PCDH9: variants seen among roughly 807,000 people sequenced by gnomAD.
PCDH9 encodes the protein protocadherin 9.
In PCDH9, 24 loss-of-function variants were observed where a neutral mutation model predicts 70.6. That is an observed-to-expected ratio of 0.34 (90% confidence interval 0.25 to 0.48). The LOEUF is 0.48. Among genes scored for constraint, PCDH9 ranks in the 20% least tolerant of loss-of-function variants. The pLI is 0.99. For synonymous variants in PCDH9, 562 were observed against 558.5 expected, an observed-to-expected ratio of 1.01 and a Z score of -0.09; for missense variants, 1,281 against 1,503.6, an observed-to-expected ratio of 0.85 and a Z score of 2.45.
chr13:66,659,553 T>TG (rs59132032), intron 3 of PCDH9, among the ~76,000 whole-genome samples: 1 of 148,764 alleles, frequency 6.7e-6, no homozygotes, highest in Non-Finnish European at 1.5e-5. Context: ...GTGTGTGTGT[T>TG]TGTGTGTGTT....
chr13:66,610,013 A>AGTG (rs1261221984), intron 4 of PCDH9, among the ~76,000 whole-genome samples: 1 of 140,304 alleles, frequency 7.1e-6, no homozygotes, highest in Non-Finnish European at 1.5e-5. Context: ...GCTGGAGTGC[A>AGTG]GTGGCGAGAT....
chr13:66,775,150 CT>C (rs1227315402), intron 3 of PCDH9, among the ~76,000 whole-genome samples: 1 of 152,086 alleles, frequency 6.6e-6, no homozygotes, highest in African/African-American at 2.4e-5. Context: ...CATTTGTTTG[CT>C]TTTTAAAAAG....
chr13:66,960,007 A>G (rs952621492), intron 2 of PCDH9, among the ~76,000 whole-genome samples: 8 of 152,184 alleles, frequency 5.3e-5, no homozygotes, highest in African/African-American at 1.9e-4. Context: ...CAGAATACTT[A>G]TTAGGGAGAA....
At chr13:66,545,166 A>C (rs1232171472) in intron 4 of PCDH9, among the ~76,000 whole-genome samples, 1 of 152,172 alleles carries the variant, frequency 6.6e-6, no homozygotes, top group Non-Finnish European at 1.5e-5. Context: ...TTTGCATGTT[A>C]ATTCTCATTA....
chr13:67,186,563 C>A (rs1015074717), intron 2 of PCDH9, among the ~76,000 whole-genome samples: 1 of 152,028 alleles, frequency 6.6e-6, no homozygotes, highest in Non-Finnish European at 1.5e-5. Flanking sequence ...TTTTGAGTAG[C>A]AAGTCCTTAA....
At chr13:66,366,412 TCTTCTAGGACGCTATC>T (rs1325657388) in intron 4 of PCDH9, among the ~76,000 whole-genome samples, 2 of 152,050 alleles carry the variant, frequency 1.3e-5, no homozygotes, top group Non-Finnish European at 1.5e-5. Context: ...GTTATTTTTC[TCTTCTAGGACGCTATC>T]CTTCAACTCA....
intron 2 of PCDH9, among the ~76,000 whole-genome samples, chr13:67,143,070 C>A (rs1442132325): frequency 1.3e-5 from 2 of 151,822 alleles, no homozygotes; most frequent in Non-Finnish European, 2.9e-5. Context: ...AAAATAAGCT[C>A]ATAAATGTTA....
At chr13:66,957,555 A>T (rs2083283129) in intron 2 of PCDH9, among the ~76,000 whole-genome samples, 1 of 152,164 alleles carries the variant, frequency 6.6e-6, no homozygotes, top group Non-Finnish European at 1.5e-5. Context: ...CTAACCCTCC[A>T]TCCCTCCATG....
chr13:67,104,571 C>T (rs938158844), intron 2 of PCDH9, among the ~76,000 whole-genome samples: 13 of 150,970 alleles, frequency 8.6e-5, no homozygotes, highest in Admixed American at 2.6e-4. Flanking sequence ...TTTTTTGAGA[C>T]GGAGTCTCGC....
chr13:66,502,340 C>T lies in PCDH9; in HGVS notation c.3340+128870G>A, dbSNP rs550204186. 9.2e-5 allele frequency among the ~76,000 whole-genome samples: 14 copies of T among 152,158 alleles called. No individual in the cohort carries two copies. In the South Asian group the frequency reaches 2.7e-3, roughly 29 times the overall value. On this transcript the variant is annotated intron_variant, in intron 4 of 4. Transcript: ENST00000377865. ...TGTGAGAAAATTTTAAATTTTGACT[C>T]ATGTTTAATTCACTTCTATTGGGCA...
At chr13:67,014,305 T>C (rs1041059824) in intron 2 of PCDH9, among the ~76,000 whole-genome samples, 1 of 152,096 alleles carries the variant, frequency 6.6e-6, no homozygotes, top group Admixed American at 6.6e-5. Flanking sequence ...AGGTAGAAAC[T>C]GCAACAGGTA....
intron 2 of PCDH9, among the ~76,000 whole-genome samples, chr13:66,947,578 G>A (rs1186100879): frequency 6.6e-6 from 1 of 152,118 alleles, no homozygotes; most frequent in Non-Finnish European, 1.5e-5. Flanking sequence ...GGTGGAAGAT[G>A]GGGGTGTGGG....
At chr13:67,144,274 A>G (rs1229879637) in intron 2 of PCDH9, among the ~76,000 whole-genome samples, 1 of 152,170 alleles carries the variant, frequency 6.6e-6, no homozygotes, top group Non-Finnish European at 1.5e-5. Context: ...TGAAAGAGGA[A>G]GAAGGTGCTA....
Position 66,391,267 on chromosome 13 carries a change from C to CG in PCDH9, c.3341-86240dup, listed in dbSNP as rs532794887. ...TGATCAACAACTATTTAAAATTTTA[C>CG]GTTCTGCATATGTACTGCCTACTGA... On this transcript the variant is annotated intron_variant, in intron 4 of 4. Transcript: ENST00000377865. Among the ~76,000 whole-genome samples the CG allele has an allele frequency of 2.1e-4, 32 of 152,274 alleles. No individual in the cohort carries two copies. The East Asian group carries it at 6.0e-3, about 28-fold the overall frequency.
At chr13:66,878,096 G>A (rs533638161) in intron 3 of PCDH9, among the ~76,000 whole-genome samples, 1 of 152,198 alleles carries the variant, frequency 6.6e-6, no homozygotes, top group East Asian at 1.9e-4. Context: ...TAATGACTGA[G>A]TTCTAAGGGA....
At chr13:67,066,199 G>A (rs1435254057) in intron 2 of PCDH9, among the ~76,000 whole-genome samples, 2 of 151,596 alleles carry the variant, frequency 1.3e-5, no homozygotes, top group Non-Finnish European at 2.9e-5. Flanking sequence ...TCAGTGGAAT[G>A]CTTAACAGTC....
At chr13:67,099,275 A>G (rs12876406) in intron 2 of PCDH9, among the ~76,000 whole-genome samples, 2 of 152,168 alleles carry the variant, frequency 1.3e-5, no homozygotes, top group Admixed American at 1.3e-4. Flanking sequence ...GATCTAAATA[A>G]CCATTCTCCA....
At chr13:66,872,257 A>G (rs750579735) in intron 3 of PCDH9, among the ~76,000 whole-genome samples, 18 of 152,164 alleles carry the variant, frequency 1.2e-4, no homozygotes, top group Non-Finnish European at 2.2e-4. Flanking sequence ...CCAGATTTGG[A>G]TGAGTATTAG....
chr13:67,184,566 A>G (rs887913981), intron 2 of PCDH9, among the ~76,000 whole-genome samples: 2 of 152,028 alleles, frequency 1.3e-5, no homozygotes, highest in Non-Finnish European at 2.9e-5. Context: ...CCGTCTCTAT[A>G]AAAAAATAAC....
Sources: gnomAD v4.1 joint callset for allele counts (sites outside exome capture counted in the v4.1 genomes callset) on GRCh38, gnomAD v4.1.1 for gene constraint, MANE v1.5 for transcripts, NCBI Gene and HGNC (gene_info 2026-07-23, HGNC 2026-07-21) for gene names.